Variants in CDC5L observed in about 807,000 individuals in gnomAD.
CDC5L encodes the protein cell division cycle 5-like protein.
CDC5L carries 18 observed loss-of-function variants against 104.1 expected under a neutral mutation model. The observed-to-expected ratio is 0.17, with a 90% CI of 0.12 to 0.26. The LOEUF is 0.26. CDC5L is among the 10% of genes least tolerant of loss of function. The pLI, the probability that CDC5L is intolerant of heterozygous loss-of-function variation, is 1.00. For missense variants in CDC5L, 673 were observed against 956.9 expected, an observed-to-expected ratio of 0.70 and a Z score of 3.91; for synonymous variants, 331 against 322.7, an observed-to-expected ratio of 1.03 and a Z score of -0.28.
In CDC5L at chr6:44,426,738, G is replaced by C; in HGVS notation, c.1893+14G>C. 6.2e-7 allele frequency: 1 copy of C among 1,609,284 alleles called. No individual in the cohort carries two copies. The highest frequency in any genetic ancestry group is 8.5e-7 in the Non-Finnish European group (1 of 1,177,702). Reference sequence around the variant, plus strand: ...GAGCTGAAAAAGGTATGATTGAGCTGGAATATTTCTTCTTGAGATTTAGGT... The same window carrying C: ...GAGCTGAAAAAGGTATGATTGAGCTCGAATATTTCTTCTTGAGATTTAGGT... On this transcript the variant is annotated intron_variant, in intron 13 of 15. Transcript: ENST00000371477.
At position 44,403,956 on chromosome 6, in the gene CDC5L, G is replaced by A. The variant is rs1161107538; in HGVS notation, c.687G>A (p.Glu229=). The A allele has an allele frequency of 6.2e-7, 1 of 1,613,632 alleles. No individual in the cohort carries two copies. The highest frequency in any genetic ancestry group is 8.5e-7 in the Non-Finnish European group (1 of 1,179,870). Reference sequence around the variant, plus strand: ...CCCTTGGTTTTTATGATACTTCTGAGGAAAACTACCAAGCTCTTGACGCAG... The same window carrying A: ...CCCTTGGTTTTTATGATACTTCTGAAGAAAACTACCAAGCTCTTGACGCAG... The part of the protein sequence containing the change: ...KPALGFYDTS[E]ENYQALDADF... Residue 229 remains glutamate, a synonymous_variant, in exon 6 of 16, where the codon GAG becomes GAA. Transcript: ENST00000371477.
intron 14 of CDC5L, among the ~76,000 whole-genome samples, chr6:44,439,041 C>T (rs575924758): frequency 6.4e-4 from 97 of 152,226 alleles, no homozygotes; most frequent in Non-Finnish European, 1.2e-3. Flanking sequence ...CCTAGGAAAC[C>T]ATTAATCTAC....
chr6:44,409,755 C>T (rs1791544411), intron 8 of CDC5L, among the ~76,000 whole-genome samples: 1 of 152,154 alleles, frequency 6.6e-6, no homozygotes, highest in South Asian at 2.1e-4. Context: ...CATTATTCTT[C>T]AGGGCTTGTT....
intron 12 of CDC5L, 98 bp from the exon 13 acceptor site, chr6:44,426,384 A>T (rs1429844838): frequency 1.2e-6 from 1 of 855,080 alleles, no homozygotes; most frequent in Non-Finnish European, 1.8e-6. Context: ...ATTGCTTTTG[A>T]AAATGTAAAA....
intron 5 of CDC5L, among the ~76,000 whole-genome samples, chr6:44,401,983 C>T (rs1322783163): frequency 5.3e-5 from 7 of 131,268 alleles, no homozygotes; most frequent in Admixed American, 2.4e-4. Context: ...AGGACATGAA[C>T]TCATCATTTT....
Position 44,397,471 on chromosome 6 carries a change from A to G in CDC5L, c.539+1031A>G, listed in dbSNP as rs548918685. Among the ~76,000 whole-genome samples the G allele has an allele frequency of 3.9e-5, 6 of 152,076 alleles. No homozygotes were observed. The South Asian group carries it at 6.2e-4, about 16-fold the overall frequency. ...AACTATCTTGTATTTTTTTCCCCCA[A>G]CCATTTCAGAATATTTATAGAAAAC... is the stretch of plus-strand genomic sequence containing the variant. On this transcript the variant is annotated intron_variant, in intron 5 of 15. Transcript: ENST00000371477.
In CDC5L at chr6:44,419,670, G is replaced by A. The variant is rs1792071601; in HGVS notation, c.1241+73G>A. The A allele has an allele frequency of 5.2e-6, 6 of 1,164,592 alleles. No homozygotes were observed. In the South Asian group the frequency reaches 6.4e-5, roughly 12 times the overall value. 72.1% of individuals were successfully genotyped at this position (1,164,592 alleles called of 1,614,324 possible). On this transcript the variant is annotated intron_variant, in intron 9 of 15. Transcript: ENST00000371477. ...GACTTAGCATATTTGCTTTAGTAATGTTTACGGAGAATGACTACTTATTGT... is the reference window on the plus strand; with the variant it reads ...GACTTAGCATATTTGCTTTAGTAATATTTACGGAGAATGACTACTTATTGT...
intron 8 of CDC5L, among the ~76,000 whole-genome samples, chr6:44,412,043 T>A (rs1348338533): frequency 1.3e-5 from 2 of 152,160 alleles, no homozygotes; most frequent in Non-Finnish European, 2.9e-5. Flanking sequence ...TGTATAGACC[T>A]GTTAATAACA....
chr6:44,446,717 A>C lies in CDC5L; in HGVS notation c.*6A>C. 3 of 1,365,278 alleles carry C rather than the reference A, an allele frequency of 2.2e-6. No homozygotes were observed. Among genetic ancestry groups the C allele is most frequent in the Non-Finnish European group, 3.1e-6 (3 of 968,926 alleles). The allele number at this position is 1,365,278 out of a possible 1,614,324, so 84.6% of individuals were successfully genotyped here. On this transcript the variant is annotated 3_prime_UTR_variant, in exon 16 of 16. Transcript: ENST00000371477. ...CTTTAAAGTCAAAATTCTGAAGTAC[A>C]GTTTATATTCTGTCACAGGATTAAT... is the stretch of plus-strand genomic sequence containing the variant.
chr6:44,419,416 T>C lies in CDC5L; in HGVS notation c.1093-33T>C, dbSNP rs371306909. On this transcript the variant is annotated intron_variant, in intron 8 of 15. Coordinates refer to ENST00000371477, the MANE Select transcript of CDC5L (RefSeq NM_001253.4). ...AGATTCTGCAAGTCTGTCTAAACTT[T>C]TAAACTTGCTTCTTTGTCTTCTTGT... is the stretch of plus-strand genomic sequence containing the variant. 2.5e-6 allele frequency: 4 copies of C among 1,610,614 alleles called. No homozygotes were observed. In the African/African-American group the frequency reaches 4.0e-5, roughly 16 times the overall value.
At position 44,408,482 on chromosome 6, in the gene CDC5L, C is replaced by A. The variant is rs369777781; in HGVS notation, c.942C>A (p.Gly314=). Residue 314 remains glycine (G), a synonymous_variant, in exon 8 of 16, where the codon GGC becomes GGA. Coordinates refer to ENST00000371477, the MANE Select transcript of CDC5L (RefSeq NM_001253.4). ...AACTCCAGGAAGTTGTAAAAGTAGGCCAAGCGAGTGAAATTGCACGTCAAA... is the reference window on the plus strand; with the variant it reads ...AACTCCAGGAAGTTGTAAAAGTAGGACAAGCGAGTGAAATTGCACGTCAAA... ...DAELQEVVKV[G]QASEIARQTA... is the part of the protein sequence containing the mutation. The A allele has an allele frequency of 1.2e-6, 2 of 1,613,350 alleles. No homozygotes were observed. Among genetic ancestry groups the A allele is most frequent in the Non-Finnish European group, 1.7e-6 (2 of 1,179,602 alleles).
chr6:44,387,946 G>GGT, intron 1 of CDC5L, 78 bp downstream of exon 1: 3 of 1,397,654 alleles, frequency 2.1e-6, no homozygotes, highest in Non-Finnish European at 3.0e-6. Context: ...AGGTCGGGGG[G>GGT]GCGACGAGGA....
At chr6:44,435,787 G>GT (rs201451466) in intron 14 of CDC5L, 17,850 of 141,688 alleles carry the variant, frequency 0.13, 1,701 homozygotes, top group East Asian at 0.54. Flanking sequence ...AATAGTTTTT[G>GT]TTTTTTTTTT....
intron 14 of CDC5L, among the ~76,000 whole-genome samples, chr6:44,441,007 C>G (rs1487359870): frequency 6.6e-6 from 1 of 152,198 alleles, no homozygotes; most frequent in Non-Finnish European, 1.5e-5. Context: ...CATGCCCAGC[C>G]TAAAAATCCC....
intron 8 of CDC5L, among the ~76,000 whole-genome samples, chr6:44,413,107 A>C (rs1028269562): frequency 1.3e-5 from 2 of 152,204 alleles, no homozygotes; most frequent in African/African-American, 4.8e-5. Context: ...TTCATCATCC[A>C]GAAAGAAAAC....
intron 6 of CDC5L, among the ~76,000 whole-genome samples, chr6:44,405,818 A>T (rs1175333224): frequency 6.6e-6 from 1 of 151,936 alleles, no homozygotes; most frequent in Non-Finnish European, 1.5e-5. Context: ...TTTTGTTGCT[A>T]TTCTGAGTTT....
At chr6:44,427,770 G>A (rs1376962273) in intron 13 of CDC5L, among the ~76,000 whole-genome samples, 1 of 152,112 alleles carries the variant, frequency 6.6e-6, no homozygotes, top group Non-Finnish European at 1.5e-5. Context: ...TGAGAATCAG[G>A]CTACGAAATT....
intron 8 of CDC5L, 43 bp from the exon 9 acceptor site, chr6:44,419,406 G>A (rs1561974593): frequency 6.2e-7 from 1 of 1,603,068 alleles, no homozygotes; most frequent in East Asian, 2.2e-5. Flanking sequence ...CTGCAAGTCT[G>A]TCTAAACTTT....
At chr6:44,411,653 T>TGTGTGTGTGTGTGA (rs1176515142) in intron 8 of CDC5L, among the ~76,000 whole-genome samples, 1 of 136,240 alleles carries the variant, frequency 7.3e-6, no homozygotes. Flanking sequence ...TGTGTGTGTG[T>TGTGTGTGTGTGTGA]GACTAAAAAT....
Sources: allele counts gnomAD v4.1 joint callset (sites outside exome capture counted in the v4.1 genomes callset), GRCh38; gene constraint gnomAD v4.1.1; transcripts MANE v1.5; gene names NCBI Gene and HGNC (gene_info 2026-07-23, HGNC 2026-07-21).